The following ARL3 variants were observed in gnomAD, a reference collection of about 807,000 sequenced individuals.
ARL3 encodes the protein ADP-ribosylation factor-like protein 3.
In ARL3, 9 loss-of-function variants were observed where a neutral mutation model predicts 26.0. The ratio of observed to expected loss-of-function variants is 0.35; its 90% confidence interval spans 0.21 to 0.60. The LOEUF (loss-of-function observed/expected upper bound fraction) is 0.60. ARL3 is among the 20% of genes least tolerant of loss of function. The probability of loss-of-function intolerance (pLI) is 0.78; values close to 1 mark genes in which losing one functional copy is unlikely to be tolerated. For missense variants in ARL3, 158 were observed against 215.7 expected (o/e 0.73, Z 1.67); for synonymous variants, 71 against 78.4 (o/e 0.91, Z 0.50).
chr10:102,708,926 A>G (rs1243520140), intron 1 of ARL3, among the ~76,000 whole-genome samples: 1 of 95,954 alleles, frequency 1.0e-5, no homozygotes, highest in Non-Finnish European at 2.2e-5. Flanking sequence ...TTTTTTTGAG[A>G]CAAGGTCTCA....
intron 3 of ARL3, among the ~76,000 whole-genome samples, chr10:102,692,423 G>T (rs918412076): frequency 6.6e-6 from 1 of 152,136 alleles, no homozygotes; most frequent in Non-Finnish European, 1.5e-5. Context: ...ATACACTTTT[G>T]TTTTTTTGTT....
chr10:102,697,421 C>T (rs1200845173), intron 3 of ARL3, among the ~76,000 whole-genome samples: 2 of 152,202 alleles, frequency 1.3e-5, no homozygotes, highest in African/African-American at 2.4e-5. Flanking sequence ...TCGTGATCCA[C>T]CTGCCTTGGC....
chr10:102,685,711 T>C (rs2064180296), intron 5 of ARL3, 105 bp downstream of exon 5: 1 of 1,240,706 alleles, frequency 8.1e-7, no homozygotes, highest in East Asian at 2.4e-5. Context: ...GCCCTTCATA[T>C]CTTGGAATGG....
intron 2 of ARL3, 150 bp downstream of exon 2, chr10:102,705,196 T>C: frequency 1.1e-6 from 1 of 896,722 alleles, no homozygotes. Flanking sequence ...CTCTTACATA[T>C]TTTTGAAATC....
chr10:102,682,597 T>C (rs1265420520), intron 5 of ARL3, among the ~76,000 whole-genome samples: 1 of 152,226 alleles, frequency 6.6e-6, no homozygotes, highest in Admixed American at 6.5e-5. Flanking sequence ...AGAAGTGATG[T>C]ACCTGCCCTA....
chr10:102,696,828 G>A lies in ARL3; in HGVS notation c.264+2545C>T, dbSNP rs144000930. On this transcript the variant is annotated intron_variant, in intron 3 of 5. Coordinates refer to ENST00000260746, the MANE Select transcript of ARL3 (RefSeq NM_004311.4). ...GGAATTTGGTTTTAGACATGTTGAG[G>A]CTGAGGGACTTACCAGCCGCTGAAG... 3.7e-4 allele frequency among the ~76,000 whole-genome samples: 57 copies of A among 152,284 alleles called. No individual in the cohort carries two copies. The East Asian group carries it at 9.6e-3, about 26-fold the overall frequency.
chr10:102,706,323 C>T (rs1057028441), intron 1 of ARL3, among the ~76,000 whole-genome samples: 2 of 151,910 alleles, frequency 1.3e-5, no homozygotes, highest in African/African-American at 2.4e-5. Context: ...TGGTGGCAGG[C>T]GCTTTGTAGT....
At chr10:102,689,386 T>C (rs927119903) in intron 4 of ARL3, among the ~76,000 whole-genome samples, 3 of 152,202 alleles carry the variant, frequency 2.0e-5, no homozygotes, top group South Asian at 2.1e-4. Context: ...ACTGGTATTT[T>C]TGCCTGCTTG....
At chr10:102,711,219 A>C (rs2064337069) in intron 1 of ARL3, among the ~76,000 whole-genome samples, 1 of 152,112 alleles carries the variant, frequency 6.6e-6, no homozygotes, top group South Asian at 2.1e-4. Flanking sequence ...ACAAAGTCTG[A>C]GCATCTCCTC....
chr10:102,681,824 C>A (rs1412839294), intron 5 of ARL3, among the ~76,000 whole-genome samples: 1 of 152,114 alleles, frequency 6.6e-6, no homozygotes, highest in Non-Finnish European at 1.5e-5. Flanking sequence ...ATTACACATA[C>A]CACACACACA....
In ARL3 at chr10:102,685,924, G is replaced by A. The variant is rs1420952890; in HGVS notation, c.393C>T (p.Leu131=). The stretch of plus-strand genomic sequence containing the variant: ...CAATTTCAGAGGCAGGGGCTGCTGT[G>A]AGCAAATCCTGCTTATTAGCAAAGA... ...VLIFANKQDL[L]TAAPASEIAE... is the part of the protein sequence containing the mutation. The change falls in exon 5 of 6, where the codon CTC becomes CTT. Residue 131 remains leucine, a synonymous_variant. Coordinates refer to ENST00000260746, the MANE Select transcript of ARL3 (RefSeq NM_004311.4). 6.2e-7 allele frequency: 1 copy of A among 1,614,042 alleles called. No homozygotes were observed. Among genetic ancestry groups the A allele is most frequent in the African/African-American group, 1.3e-5 (1 of 74,910 alleles).
At position 102,706,400 on chromosome 10, in the gene ARL3, CGATATT is replaced by C. The variant is rs537420312; in HGVS notation, c.4-917_4-912del. 2.1e-3 allele frequency among the ~76,000 whole-genome samples: 320 copies of C among 151,848 alleles called. 3 individuals carry two copies. The highest frequency in any genetic ancestry group is 7.6e-3 in the African/African-American group (314 of 41,438). ...CTGGGAGGCGGAGGTTGCAGTGAGC[CGATATT>C]GCACACTGCACTCCAGCCTGGGTGA... On this transcript the variant is annotated intron_variant, in intron 1 of 5. Transcript: ENST00000260746.
At chr10:102,709,476 T>C (rs1180238646) in intron 1 of ARL3, among the ~76,000 whole-genome samples, 18 of 29,306 alleles carry the variant, frequency 6.1e-4, no homozygotes, top group South Asian at 2.4e-3. Flanking sequence ...CACATATCCC[T>C]ACCAAAAAAA....
chr10:102,676,055 T>C lies in ARL3; in HGVS notation c.*839A>G, dbSNP rs948810205. On this transcript the variant is annotated 3_prime_UTR_variant, in exon 6 of 6. Coordinates refer to ENST00000260746, the MANE Select transcript of ARL3 (RefSeq NM_004311.4). ...CTGCTCCACTGAGCTGGAGAAAGCCTGTTTACGCTAGCCTGAGCCCTCGAT... is the reference window on the plus strand; with the variant it reads ...CTGCTCCACTGAGCTGGAGAAAGCCCGTTTACGCTAGCCTGAGCCCTCGAT... 6.6e-6 allele frequency: 1 copy of C among 152,624 alleles called. No homozygotes were observed. The highest frequency in any genetic ancestry group is 1.5e-5 in the Non-Finnish European group (1 of 68,040). The allele number at this position is 152,624 out of a possible 1,614,324, so 9.5% of individuals were successfully genotyped here.
chr10:102,703,760 C>T (rs914312667), intron 2 of ARL3, among the ~76,000 whole-genome samples: 2 of 151,314 alleles, frequency 1.3e-5, no homozygotes, highest in African/African-American at 4.8e-5. Flanking sequence ...CATCTTTAAA[C>T]CTCCACGCTG....
intron 2 of ARL3, among the ~76,000 whole-genome samples, chr10:102,704,642 A>G (rs1156524745): frequency 6.6e-6 from 1 of 152,226 alleles, no homozygotes; most frequent in East Asian, 1.9e-4. Context: ...TGTGTCTCAA[A>G]AAATAAATAA....
chr10:102,684,725 G>C (rs187022520), intron 5 of ARL3, among the ~76,000 whole-genome samples: 2 of 151,432 alleles, frequency 1.3e-5, no homozygotes, highest in Admixed American at 1.3e-4. Flanking sequence ...TGGAACCTTC[G>C]CCTCCCAGCT....
chr10:102,695,852 G>GT (rs1436325705), intron 3 of ARL3, among the ~76,000 whole-genome samples: 2 of 151,128 alleles, frequency 1.3e-5, no homozygotes, highest in Admixed American at 6.6e-5. Context: ...TTATTTTTTT[G>GT]TTTTTTTCTG....
intron 5 of ARL3, 60 bp downstream of exon 5, chr10:102,685,756 G>A (rs2064180501): frequency 7.2e-6 from 11 of 1,521,696 alleles, no homozygotes; most frequent in Non-Finnish European, 9.7e-6. Flanking sequence ...CAACCAATGA[G>A]ACAGACCACC....
Sources: gnomAD v4.1 joint callset for allele counts (sites outside exome capture counted in the v4.1 genomes callset) on GRCh38, gnomAD v4.1.1 for gene constraint, MANE v1.5 for transcripts, NCBI Gene and HGNC (gene_info 2026-07-23, HGNC 2026-07-21) for gene names.